Variants in GSTCD observed in about 807,000 individuals in gnomAD.
GSTCD encodes glutathione S-transferase C-terminal domain containing.
GSTCD carries 44 observed loss-of-function variants against 68.3 expected under a neutral mutation model. That is an observed-to-expected ratio of 0.64 (90% confidence interval 0.51 to 0.83). The LOEUF (loss-of-function observed/expected upper bound fraction) is 0.83. Among genes scored for constraint, GSTCD ranks in the 40% least tolerant of loss-of-function variants. The pLI is 0.00. For missense variants in GSTCD, 739 were observed against 735.9 expected, an observed-to-expected ratio of 1.00 and a Z score of -0.05; for synonymous variants, 273 against 255.2, an observed-to-expected ratio of 1.07 and a Z score of -0.67.
At chr4:105,729,928 G>A (rs1733172898) in intron 5 of GSTCD, among the ~76,000 whole-genome samples, 1 of 151,838 alleles carries the variant, frequency 6.6e-6, no homozygotes, top group African/African-American at 2.4e-5. Flanking sequence ...GGTGTGTGAT[G>A]TTCCCCTTCC....
chr4:105,816,507 C>T (rs1723000061), intron 5 of GSTCD, among the ~76,000 whole-genome samples: 1 of 151,984 alleles, frequency 6.6e-6, no homozygotes, highest in African/African-American at 2.4e-5. Context: ...TCCTGACATT[C>T]GAAACTTAAA....
chr4:105,795,858 T>G (rs1458475667), intron 5 of GSTCD, among the ~76,000 whole-genome samples: 2 of 151,600 alleles, frequency 1.3e-5, no homozygotes, highest in African/African-American at 4.9e-5. Context: ...AGAGTCTTTT[T>G]TTCTAACACT....
intron 5 of GSTCD, among the ~76,000 whole-genome samples, chr4:105,796,885 C>T (rs974080696): frequency 4.6e-5 from 7 of 152,176 alleles, no homozygotes; most frequent in African/African-American, 1.4e-4. Flanking sequence ...ATTTATATGA[C>T]ATACAGTCAC....
At chr4:105,769,332 G>T (rs1734750325) in intron 5 of GSTCD, among the ~76,000 whole-genome samples, 1 of 151,738 alleles carries the variant, frequency 6.6e-6, no homozygotes, top group South Asian at 2.1e-4. Flanking sequence ...CTGCAGAGGG[G>T]CAGTCTTCAT....
Position 105,717,838 on chromosome 4 carries a change from T to C in GSTCD, c.225T>C (p.Ile75=), listed in dbSNP as rs1427595979. 1 of 1,613,998 alleles carries C rather than the reference T, an allele frequency of 6.2e-7. No homozygotes were observed. Among genetic ancestry groups the C allele is most frequent in the African/African-American group, 1.3e-5 (1 of 74,944 alleles). ...DDLIQDVEIQ[I]ISRQELPPIV... ...TGATCCAGGATGTTGAAATACAGAT[T>C]ATTTCAAGGCAGGAGCTCCCACCAA... Residue 75 remains isoleucine, a synonymous_variant, in exon 2 of 12, where the codon ATT becomes ATC. Coordinates refer to ENST00000515279, the MANE Select transcript of GSTCD (RefSeq NM_001370181.1).
intron 5 of GSTCD, among the ~76,000 whole-genome samples, chr4:105,817,203 C>T (rs1723036275): frequency 6.6e-6 from 1 of 151,856 alleles, no homozygotes; most frequent in Non-Finnish European, 1.5e-5. Context: ...TATATCTTTA[C>T]ATCTCTAACA....
At position 105,769,330 on chromosome 4, in the gene GSTCD, G is replaced by A. The variant is rs2149242173; in HGVS notation, c.1240+39831G>A. Reference sequence around the variant, plus strand: ...CCATCATAAGGCTAGGTCTGCAGAGGGGCAGTCTTCATGAACCAGTGACAG... The same window carrying A: ...CCATCATAAGGCTAGGTCTGCAGAGAGGCAGTCTTCATGAACCAGTGACAG... On this transcript the variant is annotated intron_variant, in intron 5 of 11. Transcript: ENST00000515279. Among the ~76,000 whole-genome samples, 2 of 151,578 alleles carry A rather than the reference G, an allele frequency of 1.3e-5. 1 individual carries two copies. Among genetic ancestry groups the A allele is most frequent in the South Asian group, 4.2e-4 (2 of 4,796 alleles).
intron 9 of GSTCD, among the ~76,000 whole-genome samples, chr4:105,836,367 C>T (rs2149285164): frequency 6.6e-6 from 1 of 152,308 alleles, no homozygotes; most frequent in South Asian, 2.1e-4. Context: ...ACTCTAAGTT[C>T]TCACTTTGGT....
At chr4:105,750,962 A>G (rs1733991125) in intron 5 of GSTCD, among the ~76,000 whole-genome samples, 1 of 152,220 alleles carries the variant, frequency 6.6e-6, no homozygotes, top group Non-Finnish European at 1.5e-5. Context: ...TTGGGAATAG[A>G]TTAATATTTG....
chr4:105,733,650 G>C lies in GSTCD; in HGVS notation c.1240+4151G>C, dbSNP rs577373490. Among the ~76,000 whole-genome samples the C allele has an allele frequency of 1.2e-4, 19 of 152,286 alleles. No individual in the cohort carries two copies. In the South Asian group the frequency reaches 3.3e-3, roughly 27 times the overall value. The stretch of plus-strand genomic sequence containing the variant: ...TGTTGACTCTTTATCCAATTTGCCA[G>C]TCTGTGTCTTTTAATTGGAGTATTT... On this transcript the variant is annotated intron_variant, in intron 5 of 11. Coordinates refer to ENST00000515279, the MANE Select transcript of GSTCD (RefSeq NM_001370181.1).
At chr4:105,835,832 A>G (rs72673855) in intron 9 of GSTCD, among the ~76,000 whole-genome samples, 8,357 of 152,278 alleles carry the variant, frequency 0.055, 258 homozygotes, top group Middle Eastern at 0.14. Flanking sequence ...TTTATTGAGC[A>G]ACAGTACAGC....
At chr4:105,717,298 C>A (rs1216699753) in intron 1 of GSTCD, among the ~76,000 whole-genome samples, 1 of 152,132 alleles carries the variant, frequency 6.6e-6, no homozygotes, top group Non-Finnish European at 1.5e-5. Context: ...CCTGTTCTCA[C>A]ATATAGTGAG....
chr4:105,766,887 CTTTTTTTTTTTTT>C, intron 5 of GSTCD, among the ~76,000 whole-genome samples: 1 of 57,138 alleles, frequency 1.8e-5, no homozygotes, highest in Non-Finnish European at 3.0e-5. Context: ...GTTTTTGACT[CTTTTTTTTTTTTT>C]TTTTTTTTTT....
At chr4:105,733,102 T>C (rs1025514477) in intron 5 of GSTCD, among the ~76,000 whole-genome samples, 3 of 152,230 alleles carry the variant, frequency 2.0e-5, no homozygotes, top group Non-Finnish European at 4.4e-5. Flanking sequence ...AGTGCTTTAC[T>C]TCCAACTATG....
At chr4:105,829,792 A>C (rs1045035509) in intron 8 of GSTCD, among the ~76,000 whole-genome samples, 4 of 152,212 alleles carry the variant, frequency 2.6e-5, no homozygotes, top group Non-Finnish European at 4.4e-5. Context: ...GAGACTAAAG[A>C]AGATAATACA....
intron 5 of GSTCD, among the ~76,000 whole-genome samples, chr4:105,781,166 G>A (rs977596752): frequency 6.6e-6 from 1 of 152,292 alleles, no homozygotes; most frequent in South Asian, 2.1e-4. Context: ...GGCATAAACA[G>A]TGGAATATAA....
intron 8 of GSTCD, among the ~76,000 whole-genome samples, chr4:105,830,851 G>A (rs1375794962): frequency 1.3e-5 from 2 of 151,588 alleles, no homozygotes; most frequent in Admixed American, 6.6e-5. Flanking sequence ...AAAACCATGA[G>A]AAAAGATGGA....
At chr4:105,754,028 G>A (rs752792791) in intron 5 of GSTCD, among the ~76,000 whole-genome samples, 1 of 151,580 alleles carries the variant, frequency 6.6e-6, no homozygotes, top group East Asian at 1.9e-4. Context: ...GTAGATCCCT[G>A]TTTTTCTGCT....
rs567078730 is a variant in GSTCD at position 105,761,519 on chromosome 4, A to G, written c.1240+32020A>G. 28 of 152,284 alleles carry G rather than the reference A, an allele frequency of 1.8e-4. 1 individual carries two copies. The highest frequency in any genetic ancestry group is 6.0e-4 in the African/African-American group (25 of 41,546). The allele number at this position is 152,284 out of a possible 1,614,324, so 9.4% of individuals were successfully genotyped here. On this transcript the variant is annotated intron_variant, in intron 5 of 11. Coordinates refer to ENST00000515279, the MANE Select transcript of GSTCD (RefSeq NM_001370181.1). Reference sequence around the variant, plus strand: ...TGTGACTCAGTTTACTAAATTTACTATATTTATTAAATATAAAGCAATGTT... The same window carrying G: ...TGTGACTCAGTTTACTAAATTTACTGTATTTATTAAATATAAAGCAATGTT...
Sources: allele counts gnomAD v4.1 joint callset (sites outside exome capture counted in the v4.1 genomes callset), GRCh38; gene constraint gnomAD v4.1.1; transcripts MANE v1.5; gene names NCBI Gene and HGNC (gene_info 2026-07-23, HGNC 2026-07-21).